Variants in FRMPD4 observed in about 807,000 individuals in gnomAD.
FRMPD4 encodes FERM and PDZ domain containing 4, also known as FERM and PDZ domain-containing protein 4.
In FRMPD4, 22 loss-of-function variants were observed where a neutral mutation model predicts 94.1. The ratio of observed to expected loss-of-function variants is 0.23; its 90% CI spans 0.17 to 0.33. FRMPD4 has a LOEUF of 0.33. FRMPD4 is among the 10% of genes least tolerant of loss of function. The pLI is 1.00. For missense variants in FRMPD4, 1,111 were observed against 1,339.9 expected (o/e 0.83, Z 2.67); for synonymous variants, 631 against 548.6 (o/e 1.15, Z -2.10).
intron 2 of FRMPD4, among the ~76,000 whole-genome samples, chrX:12,551,500 G>A (rs764123718): frequency 1.8e-5 from 2 of 111,015 alleles, no homozygotes; most frequent in South Asian, 3.8e-4. Flanking sequence ...GGGTAAATCA[G>A]CATCCAAATA....
At chrX:12,387,107 C>G (rs1045740662) in intron 1 of FRMPD4, among the ~76,000 whole-genome samples, 2 of 111,580 alleles carry the variant, frequency 1.8e-5, no homozygotes, top group African/African-American at 6.5e-5. Context: ...TTTTAACTAC[C>G]GAGTTAAGAA....
Position 12,718,570 on chromosome X carries a change from T to A in FRMPD4, c.3744T>A (p.Ile1248=). 1 of 1,208,819 alleles carries A rather than the reference T, an allele frequency of 8.3e-7. No individual in the cohort carries two copies. Among genetic ancestry groups the A allele is most frequent in the Non-Finnish European group, 1.1e-6 (1 of 892,814 alleles). ...GCCCCTCCCTGGGGAAGCACTTGAT[T>A]CCTGACGCTTCTGGGAAAGGCGTGA... The part of the protein sequence containing the change: ...PLCPSLGKHL[I]PDASGKGVNY... Residue 1248 remains isoleucine, a synonymous_variant, in exon 16 of 17, where the codon ATT becomes ATA. Coordinates refer to ENST00000675598, the MANE Select transcript of FRMPD4 (RefSeq NM_001368397.1).
intron 2 of FRMPD4, among the ~76,000 whole-genome samples, chrX:12,516,026 CTT>C (rs1032520718): frequency 1.8e-5 from 2 of 111,553 alleles, no homozygotes; most frequent in Admixed American, 1.9e-4. Context: ...GCAATCCCTG[CTT>C]TTTTCTGCTT....
At chrX:12,000,971 CTTTA>C (rs979041997) in intron 3 of FRMPD4, among the ~76,000 whole-genome samples, 28 of 111,797 alleles carry the variant, frequency 2.5e-4, no homozygotes, top group African/African-American at 8.8e-4. Context: ...TATTTATAGT[CTTTA>C]TTTATCTTGT....
intron 3 of FRMPD4, among the ~76,000 whole-genome samples, chrX:12,004,260 A>C (rs985491785): frequency 2.7e-5 from 3 of 112,121 alleles, no homozygotes; most frequent in Non-Finnish European, 5.6e-5. Flanking sequence ...GGTAAATACT[A>C]CTGCCAAACC....
At chrX:12,072,123 TGG>T (rs2054974105) in intron 3 of FRMPD4, among the ~76,000 whole-genome samples, 1 of 111,533 alleles carries the variant, frequency 9.0e-6, no homozygotes, top group Non-Finnish European at 1.9e-5. Flanking sequence ...CCTCAGTAGC[TGG>T]GACTACAGGC....
intron 3 of FRMPD4, among the ~76,000 whole-genome samples, chrX:12,093,657 A>G (rs2055173866): frequency 9.0e-6 from 1 of 110,782 alleles, no homozygotes; most frequent in Non-Finnish European, 1.9e-5. Flanking sequence ...AGATGAGCAA[A>G]TCAGCAATTT....
At chrX:12,254,568 C>G (rs761379524) in intron 1 of FRMPD4, among the ~76,000 whole-genome samples, 4 of 112,144 alleles carry the variant, frequency 3.6e-5, no homozygotes, top group African/African-American at 1.3e-4. Context: ...CTGCTCATCT[C>G]AGTCAAAATT....
chrX:12,678,104 G>A (rs1301903762), intron 5 of FRMPD4, among the ~76,000 whole-genome samples: 1 of 111,174 alleles, frequency 9.0e-6, no homozygotes, highest in African/African-American at 3.3e-5. Context: ...ATTTTATTCT[G>A]CCTCTTTTAC....
At chrX:12,639,940 A>G (rs753889315) in intron 4 of FRMPD4, among the ~76,000 whole-genome samples, 1 of 111,638 alleles carries the variant, frequency 9.0e-6, no homozygotes. Flanking sequence ...CAATATTTTC[A>G]ACAGAAGAAG....
chrX:11,980,659 G>A (rs1307268401), intron 3 of FRMPD4, among the ~76,000 whole-genome samples: 1 of 111,228 alleles, frequency 9.0e-6, no homozygotes, highest in Non-Finnish European at 1.9e-5. Flanking sequence ...TATACATATA[G>A]GATGATGAGC....
chrX:12,303,292 C>T (rs183215067), intron 1 of FRMPD4, among the ~76,000 whole-genome samples: 2 of 111,750 alleles, frequency 1.8e-5, no homozygotes, highest in Non-Finnish European at 3.8e-5. Flanking sequence ...TCTTTTCCCA[C>T]AAGCCTTAAA....
At chrX:11,935,266 TG>T (rs2054150501) in intron 3 of FRMPD4, among the ~76,000 whole-genome samples, 7 of 10,951 alleles carry the variant, frequency 6.4e-4, no homozygotes, top group Admixed American at 1.3e-3. Context: ...TTTTTTTTAA[TG>T]TGTTTTTTTT....
intron 4 of FRMPD4, among the ~76,000 whole-genome samples, chrX:12,648,409 AAC>A (rs1450727478): frequency 3.6e-5 from 4 of 111,060 alleles, no homozygotes; most frequent in African/African-American, 1.3e-4. Context: ...ATCCAACTCA[AAC>A]ACAGCTTTTT....
At chrX:12,332,283 A>G (rs1386019040) in intron 1 of FRMPD4, among the ~76,000 whole-genome samples, 2 of 99,751 alleles carry the variant, frequency 2.0e-5, no homozygotes, top group Non-Finnish European at 4.0e-5. Flanking sequence ...ACCATTTAAC[A>G]AATGTAATGT....
chrX:12,199,952 C>T (rs1010883759), intron 1 of FRMPD4, among the ~76,000 whole-genome samples: 1 of 110,394 alleles, frequency 9.1e-6, no homozygotes, highest in Non-Finnish European at 1.9e-5. Context: ...GTGGAGACCA[C>T]AAGACCAAAT....
At chrX:12,662,389 C>T (rs1419470918) in intron 4 of FRMPD4, among the ~76,000 whole-genome samples, 1 of 109,612 alleles carries the variant, frequency 9.1e-6, no homozygotes, top group Non-Finnish European at 1.9e-5. Flanking sequence ...GTGTGATGTT[C>T]TCCTCCCTGT....
At chrX:12,185,835 T>C (rs778164049) in intron 1 of FRMPD4, among the ~76,000 whole-genome samples, 2 of 111,810 alleles carry the variant, frequency 1.8e-5, no homozygotes, top group Admixed American at 9.5e-5. Context: ...ATTTTGGTAG[T>C]TTGTGAATTC....
At chrX:12,540,817 C>A (rs1167263371) in intron 2 of FRMPD4, among the ~76,000 whole-genome samples, 1 of 111,756 alleles carries the variant, frequency 8.9e-6, no homozygotes, top group Non-Finnish European at 1.9e-5. Context: ...ACACCTATTC[C>A]AAAATTGACC....
Sources: allele counts gnomAD v4.1 joint callset (sites outside exome capture counted in the v4.1 genomes callset), GRCh38; gene constraint gnomAD v4.1.1; transcripts MANE v1.5; gene names NCBI Gene and HGNC (gene_info 2026-07-23, HGNC 2026-07-21).